The following IFT57 variants were observed in gnomAD, a reference collection of about 807,000 sequenced individuals.
IFT57 encodes intraflagellar transport 57.
Under a neutral mutation model 56.8 loss-of-function variants are expected in IFT57, and 59 were observed. That is an observed-to-expected ratio of 1.04 (90% CI 0.84 to 1.29). The LOEUF is 1.29. Among genes scored for constraint, IFT57 ranks in the 50% most tolerant of loss-of-function variants. The pLI, the probability that IFT57 is intolerant of heterozygous loss-of-function variation, is 0.00. For missense variants in IFT57, 470 were observed against 522.1 expected, an observed-to-expected ratio of 0.90 and a Z score of 0.97; for synonymous variants, 209 against 186.1, an observed-to-expected ratio of 1.12 and a Z score of -1.00.
At chr3:108,215,909 AC>A (rs1202553994) in intron 3 of IFT57, among the ~76,000 whole-genome samples, 1 of 152,124 alleles carries the variant, frequency 6.6e-6, no homozygotes, top group South Asian at 2.1e-4. Flanking sequence ...AATAAATAGT[AC>A]TGGGGAAACT....
At chr3:108,217,684 G>A (rs995692664) in intron 3 of IFT57, among the ~76,000 whole-genome samples, 2 of 149,696 alleles carry the variant, frequency 1.3e-5, no homozygotes, top group African/African-American at 2.5e-5. Flanking sequence ...ATATATATAT[G>A]TGTGTGTGTG....
intron 9 of IFT57, among the ~76,000 whole-genome samples, chr3:108,164,561 ACTAT>A (rs67059461): frequency 0.096 from 14,603 of 152,072 alleles, 750 homozygotes; most frequent in Middle Eastern, 0.12. Flanking sequence ...ACTGGGGATA[ACTAT>A]CTACTCCAAA....
intron 6 of IFT57, among the ~76,000 whole-genome samples, chr3:108,181,761 A>G (rs1436427388): frequency 6.6e-6 from 1 of 152,134 alleles, no homozygotes; most frequent in Non-Finnish European, 1.5e-5. Flanking sequence ...CATTTGTGAC[A>G]GTAATTGGAG....
rs2080391558 is a variant in IFT57, at chr3:108,219,268, A to G, written c.375+142T>C. The G allele has an allele frequency of 7.8e-6, 5 of 643,548 alleles. No individual in the cohort carries two copies. In the East Asian group the frequency reaches 8.2e-5, roughly 10 times the overall value. The allele number at this position is 643,548 out of a possible 1,614,324, so 39.9% of individuals were successfully genotyped here. A position where few individuals can be genotyped will look rare whatever the true frequency, so the allele number is the denominator to read the frequency against. On this transcript the variant is annotated intron_variant, in intron 2 of 10. Transcript: ENST00000264538. ...AGAAGTGACATTAACATTATAATGT[A>G]AACTATTTTAAGGAGGTTTTACCTA...
At chr3:108,191,665 A>G (rs199827942) in intron 5 of IFT57, 22 bp from the exon 6 acceptor site, 41 of 1,583,168 alleles carry the variant, frequency 2.6e-5, no homozygotes, top group Middle Eastern at 1.7e-4. Flanking sequence ...AAGATATCAC[A>G]AGATTGAGAG....
rs1021908391 is a variant in IFT57, at chr3:108,222,224, C to T, written c.99G>A (p.Gly33=). ...EGTGEVVLER[G]PGAAYHMFVV... ...CGAACATGTGGTAGGCCGCGCCGGGCCCCCGCTCCAAGACCACTTCCCCGG... is the reference window on the plus strand; with the variant it reads ...CGAACATGTGGTAGGCCGCGCCGGGTCCCCGCTCCAAGACCACTTCCCCGG... The change falls in exon 1 of 11, where the codon GGG becomes GGA. Residue 33 remains glycine (G), a synonymous_variant. Coordinates refer to ENST00000264538, the MANE Select transcript of IFT57 (RefSeq NM_018010.4). 1.9e-6 allele frequency: 3 copies of T among 1,614,072 alleles called. No homozygotes were observed. Among genetic ancestry groups the T allele is most frequent in the Admixed American group, 1.7e-5 (1 of 60,028 alleles).
At chr3:108,193,870 CCTG>C (rs1424332819) in intron 5 of IFT57, among the ~76,000 whole-genome samples, 1 of 152,156 alleles carries the variant, frequency 6.6e-6, no homozygotes, top group Non-Finnish European at 1.5e-5. Context: ...ACATTGAGTA[CCTG>C]TCTTAGACTC....
intron 1 of IFT57, chr3:108,221,889 G>T: frequency 2.3e-6 from 2 of 871,556 alleles, no homozygotes; most frequent in Non-Finnish European, 3.4e-6. Flanking sequence ...CCTTTCTGCC[G>T]TTCCAAAACT....
At chr3:108,191,830 GC>G (rs2080216698) in intron 5 of IFT57, among the ~76,000 whole-genome samples, 187 bp from the exon 6 acceptor site, 1 of 152,068 alleles carries the variant, frequency 6.6e-6, no homozygotes, top group Non-Finnish European at 1.5e-5. Context: ...TGGTAGAATA[GC>G]AAAATATGTA....
chr3:108,184,678 TATA>T (rs1560109798), intron 6 of IFT57, among the ~76,000 whole-genome samples: 1 of 152,196 alleles, frequency 6.6e-6, no homozygotes, highest in Non-Finnish European at 1.5e-5. Flanking sequence ...TCTGTACTAC[TATA>T]ATAATTTTGT....
chr3:108,173,937 CAA>C (rs2080109580), intron 6 of IFT57, among the ~76,000 whole-genome samples: 1 of 147,304 alleles, frequency 6.8e-6, no homozygotes, highest in Non-Finnish European at 1.5e-5. Context: ...AATACAGTCT[CAA>C]AAAGAGTATT....
intron 5 of IFT57, among the ~76,000 whole-genome samples, chr3:108,194,501 T>C (rs2080232983): frequency 1.3e-5 from 2 of 151,920 alleles, no homozygotes; most frequent in South Asian, 4.1e-4. Flanking sequence ...CTAAAATTTA[T>C]AAGGAACTAC....
chr3:108,222,276 C>T lies in IFT57; in HGVS notation c.47G>A (p.Gly16Glu). 1 of 1,613,952 alleles carries T rather than the reference C, an allele frequency of 6.2e-7. No individual in the cohort carries two copies. Reference sequence around the variant, plus strand: ...CCCTTCGCCACGGGACCTAGGCACCCCATCTTCCAAACCCGACGTCGTGAC... The same window carrying T: ...CCCTTCGCCACGGGACCTAGGCACCTCATCTTCCAAACCCGACGTCGTGAC... The part of the protein sequence containing the change: ...AVVTTSGLED[G>E]VPRSRGEGTG... Residue 16 changes from glycine (G) to glutamate (E), a missense_variant, in exon 1 of 11, where the codon GGG becomes GAG. Physicochemically the swap from Gly to Glu is moderately conservative, Grantham distance 98. Coordinates refer to ENST00000264538, the MANE Select transcript of IFT57 (RefSeq NM_018010.4).
chr3:108,197,981 T>A (rs1438528310), intron 5 of IFT57, among the ~76,000 whole-genome samples: 2 of 152,178 alleles, frequency 1.3e-5, no homozygotes, highest in Non-Finnish European at 2.9e-5. Context: ...TAACCCCTGG[T>A]ATATTTTAGC....
rs1274040337 is a variant in IFT57 at position 108,161,352 on chromosome 3, A to C, written c.*1125T>G. ...AAACTAAAGAGAGGTCTAGTAAGGAAAGGGAAAGATCTGTGTATGTGAGCA... is the reference window on the plus strand; with the variant it reads ...AAACTAAAGAGAGGTCTAGTAAGGACAGGGAAAGATCTGTGTATGTGAGCA... On this transcript the variant is annotated 3_prime_UTR_variant, in exon 11 of 11. Coordinates refer to ENST00000264538, the MANE Select transcript of IFT57 (RefSeq NM_018010.4). 1 of 152,106 alleles carries C rather than the reference A, an allele frequency of 6.6e-6. No individual in the cohort carries two copies. The highest frequency in any genetic ancestry group is 1.5e-5 in the Non-Finnish European group (1 of 68,002). 9.4% of individuals were successfully genotyped at this position (152,106 alleles called of 1,614,324 possible).
intron 6 of IFT57, among the ~76,000 whole-genome samples, chr3:108,171,759 A>G (rs2080093572): frequency 6.6e-6 from 1 of 151,832 alleles, no homozygotes; most frequent in African/African-American, 2.4e-5. Context: ...TTTATGAAAG[A>G]AAATGAACCT....
chr3:108,210,190 T>C (rs994541481), intron 4 of IFT57, among the ~76,000 whole-genome samples: 1 of 152,124 alleles, frequency 6.6e-6, no homozygotes, highest in Non-Finnish European at 1.5e-5. Context: ...TTACATACAA[T>C]AGGCGGGAAT....
At chr3:108,194,860 A>G (rs571650133) in intron 5 of IFT57, among the ~76,000 whole-genome samples, 2 of 152,352 alleles carry the variant, frequency 1.3e-5, no homozygotes, top group African/African-American at 4.8e-5. Flanking sequence ...TAAACACTTC[A>G]ATCTATGACA....
rs193228571 is a variant in IFT57, at chr3:108,176,063, C to T, written c.778-8199G>A. On this transcript the variant is annotated intron_variant, in intron 6 of 10. Transcript: ENST00000264538. ...CACTTTCCATCAAAAAACGTTACTT[C>T]TATCTGACATTGACTCTACCCTTCT... Among the ~76,000 whole-genome samples the T allele has an allele frequency of 1.1e-4, 16 of 151,972 alleles. No individual in the cohort carries two copies. The East Asian group carries it at 3.1e-3, about 30-fold the overall frequency.
Sources: allele counts gnomAD v4.1 joint callset (sites outside exome capture counted in the v4.1 genomes callset), GRCh38; gene constraint gnomAD v4.1.1; transcripts MANE v1.5; gene names NCBI Gene and HGNC (gene_info 2026-07-23, HGNC 2026-07-21).